Variants in SNX25 observed in about 807,000 individuals in gnomAD.
SNX25 encodes sorting nexin 25.
SNX25 carries 62 observed loss-of-function variants against 113.7 expected under a neutral mutation model. The ratio of observed to expected loss-of-function variants is 0.55; its 90% CI spans 0.44 to 0.67. SNX25 has a LOEUF of 0.67. Among genes scored for constraint, SNX25 ranks in the 30% least tolerant of loss-of-function variants. The pLI, the probability that SNX25 is intolerant of heterozygous loss-of-function variation, is 0.00. For synonymous variants in SNX25, 421 were observed against 436.2 expected, an observed-to-expected ratio of 0.97 and a Z score of 0.43; for missense variants, 1,014 against 1,161.0, an observed-to-expected ratio of 0.87 and a Z score of 1.84.
intron 12 of SNX25, among the ~76,000 whole-genome samples, chr4:185,345,025 A>G (rs1315092996): frequency 6.6e-6 from 1 of 152,250 alleles, no homozygotes; most frequent in Non-Finnish European, 1.5e-5. Context: ...CAAAGTTTGT[A>G]TCAAAACAGG....
intron 5 of SNX25, among the ~76,000 whole-genome samples, chr4:185,272,326 A>G (rs1749053010): frequency 6.6e-6 from 1 of 152,222 alleles, no homozygotes; most frequent in African/African-American, 2.4e-5. Flanking sequence ...ACTAGAGAAT[A>G]GACTGAGTGT....
the SNX25 span, chr4:185,375,768 C>T: frequency 7.3e-7 from 1 of 1,366,382 alleles, no homozygotes; most frequent in Non-Finnish European, 1.0e-6. Flanking sequence ...TTATTATGAT[C>T]TTAAAGTAAT....
intron 10 of SNX25, among the ~76,000 whole-genome samples, chr4:185,335,439 TGTAATA>T (rs1460285330): frequency 2.0e-5 from 3 of 152,086 alleles, no homozygotes; most frequent in Non-Finnish European, 4.4e-5. Context: ...CCCAAAATCT[TGTAATA>T]GTAAGACTTT....
At chr4:185,273,567 T>TTTCGAGTGTATCATACCCAGTA (rs1188374182) in intron 5 of SNX25, among the ~76,000 whole-genome samples, 1 of 152,202 alleles carries the variant, frequency 6.6e-6, no homozygotes, top group Non-Finnish European at 1.5e-5. Flanking sequence ...TCTTAGCAAA[T>TTTCGAGTGTATCATACCCAGTA]TTCGAGTGTA....
intron 5 of SNX25, among the ~76,000 whole-genome samples, chr4:185,278,140 T>C (rs1283623866): frequency 6.6e-6 from 1 of 152,216 alleles, no homozygotes; most frequent in African/African-American, 2.4e-5. Context: ...TCTCATGAGG[T>C]GGCACAAGCC....
At chr4:185,209,466 G>GCCCGGACCCCGC (rs1175058248), upstream of SNX25, 1 of 152,482 alleles carries the variant, frequency 6.6e-6, no homozygotes, top group African/African-American at 2.4e-5. This position sits in a 1 kb window ranked among gnomAD's most constrained non-coding sequence, Gnocchi z 5.2. Flanking sequence ...TGGGGCCCCG[G>GCCCGGACCCCGC]CCCGGACCCC....
chr4:185,254,591 A>G (rs1746130709), intron 2 of SNX25, among the ~76,000 whole-genome samples: 1 of 152,338 alleles, frequency 6.6e-6, no homozygotes, highest in East Asian at 1.9e-4. Flanking sequence ...GCGATTACCT[A>G]ACATCCTGTT....
intron 15 of SNX25, among the ~76,000 whole-genome samples, chr4:185,355,817 G>A (rs2095336310): frequency 6.6e-6 from 1 of 152,144 alleles, no homozygotes; most frequent in South Asian, 2.1e-4. Flanking sequence ...AGTCTCCCCA[G>A]TTTCCTACAG....
intron 1 of SNX25, among the ~76,000 whole-genome samples, chr4:185,237,757 T>C (rs1444325119): frequency 6.6e-6 from 1 of 151,474 alleles, no homozygotes; most frequent in African/African-American, 2.4e-5. Flanking sequence ...TTGGTGTTGT[T>C]GTTGGAAAAA....
intron 12 of SNX25, 63 bp downstream of exon 12, chr4:185,342,179 A>G (rs2095263341): frequency 1.4e-6 from 2 of 1,440,062 alleles, no homozygotes; most frequent in Non-Finnish European, 1.8e-6. Context: ...TCAATTTTAC[A>G]CATAAGAAAG....
intron 12 of SNX25, 151 bp downstream of exon 12, chr4:185,342,267 A>G: frequency 1.1e-6 from 1 of 896,964 alleles, no homozygotes; most frequent in Non-Finnish European, 1.6e-6. Context: ...TTACTCATAG[A>G]TCAAACCATC....
intron 14 of SNX25, 177 bp from the exon 15 acceptor site, chr4:185,353,308 A>G (rs2095324648): frequency 1.9e-6 from 1 of 516,172 alleles, no homozygotes; most frequent in African/African-American, 1.9e-5. Context: ...AGGCTCGAGA[A>G]TCAAGCTTTT....
chr4:185,266,674 G>C (rs1253594389), intron 4 of SNX25, among the ~76,000 whole-genome samples: 2 of 151,976 alleles, frequency 1.3e-5, no homozygotes, highest in African/African-American at 4.8e-5. Context: ...AATTTTGATA[G>C]ATTTGTTAGC....
intron 2 of SNX25, among the ~76,000 whole-genome samples, chr4:185,247,851 G>A (rs1267971324): frequency 2.0e-5 from 3 of 151,916 alleles, no homozygotes; most frequent in African/African-American, 4.8e-5. Flanking sequence ...GGTAAAATAT[G>A]GCTATGTCTG....
chr4:185,285,226 A>G (rs1464795915), intron 5 of SNX25, among the ~76,000 whole-genome samples: 1 of 152,176 alleles, frequency 6.6e-6, no homozygotes, highest in East Asian at 1.9e-4. Context: ...TGTCATAAAC[A>G]TCTATTTTCA....
At chr4:185,372,933 G>A (rs142561282), downstream of SNX25, 97 of 1,613,712 alleles carry the variant, frequency 6.0e-5, no homozygotes, top group African/African-American at 8.1e-4. Context: ...GAGCATAGAC[G>A]TTTCCGCGTT....
chr4:185,312,667 C>A (rs936245213), intron 7 of SNX25, among the ~76,000 whole-genome samples: 1 of 152,010 alleles, frequency 6.6e-6, no homozygotes, highest in Non-Finnish European at 1.5e-5. Flanking sequence ...GGACTACAGA[C>A]GCCCGCCACC....
At chr4:185,351,849 G>A (rs760529608) in intron 14 of SNX25, among the ~76,000 whole-genome samples, 27 of 151,980 alleles carry the variant, frequency 1.8e-4, no homozygotes, top group Non-Finnish European at 3.8e-4. Context: ...CAGGAGCCCC[G>A]CTACACACGG....
At chr4:185,230,582 A>G (rs1303415308) in intron 1 of SNX25, among the ~76,000 whole-genome samples, 1 of 150,824 alleles carries the variant, frequency 6.6e-6, no homozygotes, top group Non-Finnish European at 1.5e-5. Flanking sequence ...TTTTTTTAAT[A>G]GAGACAGGGT....
Sources: gnomAD v4.1 joint callset for allele counts (sites outside exome capture counted in the v4.1 genomes callset) on GRCh38, gnomAD v4.1.1 for gene constraint, Gnocchi (gnomAD v3.1) non-coding constraint, MANE v1.5 for transcripts, NCBI Gene and HGNC (gene_info 2026-07-23, HGNC 2026-07-21) for gene names.